GDPD4: variants seen among roughly 807,000 people sequenced by gnomAD.
GDPD4 encodes the protein glycerophosphodiester phosphodiesterase domain containing 4, also known as glycerophosphodiester phosphodiesterase 6.
In GDPD4, 60 loss-of-function variants were observed where a neutral mutation model predicts 67.8. The ratio of observed to expected loss-of-function variants is 0.88; its 90% CI spans 0.72 to 1.10. The LOEUF is 1.10. Ranked by LOEUF, GDPD4 falls within the 50% of genes least tolerant of loss-of-function variation. The pLI is 0.00. For missense variants in GDPD4, 623 were observed against 613.9 expected (o/e 1.01, Z -0.16); for synonymous variants, 212 against 210.9 (o/e 1.00, Z -0.04).
At chr11:77,230,910 C>A (rs2135828701) in intron 14 of GDPD4, among the ~76,000 whole-genome samples, 1 of 152,276 alleles carries the variant, frequency 6.6e-6, no homozygotes, top group South Asian at 2.1e-4. Flanking sequence ...AGTCCATGTG[C>A]TTTGGGGCTT....
upstream of GDPD4, chr11:77,301,687 G>A (rs1281029787): frequency 6.6e-6 from 1 of 152,362 alleles, no homozygotes; most frequent in East Asian, 1.9e-4. Flanking sequence ...TGGCTGGAAG[G>A]GCAGCCCGAG....
chr11:77,294,668 G>C (rs934121298), intron 1 of GDPD4, among the ~76,000 whole-genome samples: 1 of 151,984 alleles, frequency 6.6e-6, no homozygotes, highest in Non-Finnish European at 1.5e-5. Flanking sequence ...ATAAGGAAAG[G>C]CAAAGGAAAT....
In GDPD4 at chr11:77,227,938, A is replaced by G. The variant is rs76798645; in HGVS notation, c.1473-22T>C. On this transcript the variant is annotated intron_variant, in intron 15 of 16. Transcript: ENST00000315938. ...CCGCCTAGAAGGAAGCAGACCATCCATGAAATGAAGGGGTCTAAAGAATCA... is the reference window on the plus strand; with the variant it reads ...CCGCCTAGAAGGAAGCAGACCATCCGTGAAATGAAGGGGTCTAAAGAATCA... 5,640 of 1,574,556 alleles carry G rather than the reference A, an allele frequency of 3.6e-3. 181 individuals are homozygous for G. The African/African-American group carries it at 0.068, about 19-fold the overall frequency.
At chr11:77,258,601 TAGAC>T in intron 10 of GDPD4, 59 bp from the exon 11 acceptor site, 3 of 1,523,518 alleles carry the variant, frequency 2.0e-6, no homozygotes, top group Non-Finnish European at 2.7e-6. Flanking sequence ...GCTACCTTGG[TAGAC>T]AGGCTCCCCA....
At chr11:77,245,209 G>A in intron 12 of GDPD4, 72 bp downstream of exon 12, 1 of 1,141,578 alleles carries the variant, frequency 8.8e-7, no homozygotes, top group Non-Finnish European at 1.3e-6. Context: ...GGTAGGTCAA[G>A]TTCAACTACT....
At chr11:77,227,715 C>G in intron 16 of GDPD4, 149 bp downstream of exon 16, 1 of 649,612 alleles carries the variant, frequency 1.5e-6, no homozygotes, top group Non-Finnish European at 2.8e-6. Flanking sequence ...CTATGCCCAG[C>G]CTATACTTCC....
At chr11:77,274,248 C>T (rs1171200828) in intron 5 of GDPD4, among the ~76,000 whole-genome samples, 1 of 152,202 alleles carries the variant, frequency 6.6e-6, no homozygotes, top group South Asian at 2.1e-4. Flanking sequence ...ATTCTAATAA[C>T]TCTAAATTTA....
intron 16 of GDPD4, among the ~76,000 whole-genome samples, chr11:77,220,729 G>T (rs916971242): frequency 2.0e-5 from 3 of 152,148 alleles, no homozygotes; most frequent in African/African-American, 4.8e-5. Flanking sequence ...TAAAATGAGT[G>T]AGGGAGGATT....
At chr11:77,258,579 A>G in intron 10 of GDPD4, 37 bp from the exon 11 acceptor site, 3 of 1,607,642 alleles carry the variant, frequency 1.9e-6, no homozygotes, top group Non-Finnish European at 2.6e-6. Context: ...AGGGGTAGAT[A>G]GGCTGAATTT....
intron 3 of GDPD4, among the ~76,000 whole-genome samples, chr11:77,279,673 TA>T (rs758595145): frequency 6.6e-6 from 1 of 152,038 alleles, no homozygotes; most frequent in Non-Finnish European, 1.5e-5. Context: ...TTTTAAAAAT[TA>T]ACATAACACA....
At chr11:77,263,681 G>T (rs889184553) in intron 10 of GDPD4, among the ~76,000 whole-genome samples, 7 of 152,122 alleles carry the variant, frequency 4.6e-5, no homozygotes, top group African/African-American at 1.7e-4. Context: ...AATTTTAAAT[G>T]AAGATAAGAT....
At chr11:77,247,147 G>A (rs1958797293) in intron 11 of GDPD4, among the ~76,000 whole-genome samples, 1 of 152,002 alleles carries the variant, frequency 6.6e-6, no homozygotes, top group Non-Finnish European at 1.5e-5. Context: ...AAAATTGCTA[G>A]GCCAGAAGGC....
chr11:77,300,596 TTAAC>T (rs1415781420), intron 1 of GDPD4, among the ~76,000 whole-genome samples: 1 of 151,612 alleles, frequency 6.6e-6, no homozygotes, highest in Non-Finnish European at 1.5e-5. Flanking sequence ...TAAAAGTTGA[TTAAC>T]TAGTCTTAAC....
In GDPD4 at chr11:77,280,161, G is replaced by GTGC. The variant is rs548985606; in HGVS notation, c.54-765_54-763dup. Reference sequence around the variant, plus strand: ...GTATCCCAGATCAAGACTGGGAAGAGTGCTCTGTAGAAGATGAGCTCACAA... The same window carrying GTGC: ...GTATCCCAGATCAAGACTGGGAAGAGTGCTGCTCTGTAGAAGATGAGCTCACAA... On this transcript the variant is annotated intron_variant, in intron 3 of 16. Transcript: ENST00000315938. 7.9e-5 allele frequency among the ~76,000 whole-genome samples: 12 copies of GTGC among 152,232 alleles called. No individual in the cohort carries two copies. The South Asian group carries it at 2.5e-3, about 32-fold the overall frequency.
intron 3 of GDPD4, among the ~76,000 whole-genome samples, chr11:77,281,305 C>T (rs1959742578): frequency 6.6e-6 from 1 of 152,094 alleles, no homozygotes; most frequent in Admixed American, 6.5e-5. Context: ...TTTATATCAG[C>T]ATCACCAACT....
intron 1 of GDPD4, among the ~76,000 whole-genome samples, chr11:77,296,414 G>A (rs576177701): frequency 1.5e-3 from 227 of 150,232 alleles, no homozygotes; most frequent in Non-Finnish European, 2.6e-3. Context: ...TCCACCTCCC[G>A]GGTTCAAGCA....
At chr11:77,223,146 T>C (rs1228776913) in intron 16 of GDPD4, among the ~76,000 whole-genome samples, 3 of 152,212 alleles carry the variant, frequency 2.0e-5, no homozygotes, top group Non-Finnish European at 4.4e-5. Flanking sequence ...TTAGCTTCCT[T>C]GCAATGGGTT....
rs1368633125 is a variant in GDPD4, at chr11:77,216,942, G to A, written c.*335C>T. Reference sequence around the variant, plus strand: ...ATCTCTTAGAGGTCTCTTATTTAAGGATAGGGGACCTCTATGGAGGGCATG... The same window carrying A: ...ATCTCTTAGAGGTCTCTTATTTAAGAATAGGGGACCTCTATGGAGGGCATG... On this transcript the variant is annotated 3_prime_UTR_variant, in exon 17 of 17. Transcript: ENST00000315938. 1 of 702,446 alleles carries A rather than the reference G, an allele frequency of 1.4e-6. No homozygotes were observed. The highest frequency in any genetic ancestry group is 2.6e-6 in the Non-Finnish European group (1 of 384,882). 43.5% of individuals were successfully genotyped at this position (702,446 alleles called of 1,614,324 possible).
Position 77,276,234 on chromosome 11 carries a change from G to GA in GDPD4, c.148-15dup. On this transcript the variant is annotated splice_polypyrimidine_tract_variant and intron_variant, in intron 4 of 16. Coordinates refer to ENST00000315938, the MANE Select transcript of GDPD4 (RefSeq NM_182833.3). ...AAATCCAAGTAACTGCAAAAGCAAA[G>GA]AAGAAAAAGAGAGTTATTTTGAAAT... The GA allele has an allele frequency of 6.2e-7, 1 of 1,609,392 alleles. No individual in the cohort carries two copies. The highest frequency in any genetic ancestry group is 8.5e-7 in the Non-Finnish European group (1 of 1,175,744).
Sources: gnomAD v4.1 joint callset for allele counts (sites outside exome capture counted in the v4.1 genomes callset) on GRCh38, gnomAD v4.1.1 for gene constraint, MANE v1.5 for transcripts, NCBI Gene and HGNC (gene_info 2026-07-23, HGNC 2026-07-21) for gene names.